ZNF326: variants seen among roughly 807,000 people sequenced by gnomAD.
ZNF326 encodes zinc finger protein 326.
ZNF326 carries 30 observed loss-of-function variants against 63.1 expected under a neutral mutation model. The observed-to-expected ratio is 0.48, with a 90% CI of 0.36 to 0.64. The LOEUF is 0.64. Ranked by LOEUF, ZNF326 falls within the 30% of genes least tolerant of loss-of-function variation. The pLI is 0.00. For synonymous variants in ZNF326, 194 were observed against 228.2 expected, an observed-to-expected ratio of 0.85 and a Z score of 1.35; for missense variants, 609 against 720.3, an observed-to-expected ratio of 0.85 and a Z score of 1.77.
In ZNF326 at chr1:89,996,223, G is replaced by T. The variant is rs533573231; in HGVS notation, c.16+950G>T. On this transcript the variant is annotated intron_variant, in intron 1 of 11. Coordinates refer to ENST00000340281, the MANE Select transcript of ZNF326 (RefSeq NM_182976.4). ...ACAACATTAGGGAGACATGGGAAAG[G>T]ACTTATGTGATTAAACTGGATTTAA... Among the ~76,000 whole-genome samples, 58 of 152,256 alleles carry T rather than the reference G, an allele frequency of 3.8e-4. No homozygotes were observed. The South Asian group carries it at 0.01, about 27-fold the overall frequency.
intron 7 of ZNF326, among the ~76,000 whole-genome samples, chr1:90,013,483 TAAAA>T (rs1457577862): frequency 6.6e-6 from 1 of 152,208 alleles, no homozygotes; most frequent in African/African-American, 2.4e-5. Flanking sequence ...ACAGTATTCT[TAAAA>T]AGAAACACTT....
In ZNF326 at chr1:90,035,097, A is replaced by G. The variant is rs1650429615; in HGVS notation, c.*7396A>G. ...GCTGAGAATAGAATAAAGCCTTTGT[A>G]ACTTGGCTAAGGACTAGGAAGGTCT... On this transcript the variant is annotated 3_prime_UTR_variant, in exon 12 of 12. Coordinates refer to ENST00000340281, the MANE Select transcript of ZNF326 (RefSeq NM_182976.4). The G allele has an allele frequency of 6.6e-6, 1 of 152,252 alleles. No homozygotes were observed. Among genetic ancestry groups the G allele is most frequent in the African/African-American group, 2.4e-5 (1 of 41,478 alleles). 9.4% of individuals were successfully genotyped at this position (152,252 alleles called of 1,614,324 possible). A position where few individuals can be genotyped will look rare whatever the true frequency, so the allele number is the denominator to read the frequency against.
intron 7 of ZNF326, among the ~76,000 whole-genome samples, chr1:90,013,639 TAATC>T (rs1443497830): frequency 3.9e-5 from 6 of 152,314 alleles, no homozygotes; most frequent in East Asian, 1.9e-4. Context: ...CTTTTATAGA[TAATC>T]AATCATTAAA....
chr1:90,025,649 A>C (rs1649982764), intron 11 of ZNF326, among the ~76,000 whole-genome samples: 1 of 152,212 alleles, frequency 6.6e-6, no homozygotes, highest in Admixed American at 6.5e-5. Flanking sequence ...ACATTCTTGG[A>C]CAACTGCTGC....
chr1:89,998,802 A>G (rs1648525204), intron 2 of ZNF326, among the ~76,000 whole-genome samples: 1 of 152,216 alleles, frequency 6.6e-6, no homozygotes, highest in African/African-American at 2.4e-5. Flanking sequence ...ATGCAGGTTA[A>G]AAAACATATG....
intron 6 of ZNF326, 104 bp downstream of exon 6, chr1:90,010,390 C>A: frequency 4.5e-6 from 5 of 1,105,502 alleles, no homozygotes; most frequent in South Asian, 1.6e-5. Context: ...AACTACATAA[C>A]AATTATGATT....
intron 7 of ZNF326, among the ~76,000 whole-genome samples, chr1:90,015,602 C>T (rs754039377): frequency 6.6e-6 from 1 of 152,166 alleles, no homozygotes; most frequent in Non-Finnish European, 1.5e-5. Flanking sequence ...ATAGCTTGAG[C>T]TTGGGAGGTG....
chr1:90,005,692 AT>A, intron 4 of ZNF326: 13 of 985,204 alleles, frequency 1.3e-5, no homozygotes, highest in Non-Finnish European at 1.6e-5. Flanking sequence ...CCAGTCTAAC[AT>A]TTACTTTCCA....
At position 90,027,475 on chromosome 1, in the gene ZNF326, AAGC is replaced by A; in HGVS notation, c.1526_1528del (p.Ala509del). The A allele has an allele frequency of 6.2e-7, 1 of 1,613,848 alleles. No homozygotes were observed. Among genetic ancestry groups the A allele is most frequent in the African/African-American group, 1.3e-5 (1 of 74,978 alleles). On this transcript the variant is annotated inframe_deletion, in exon 12 of 12. Transcript: ENST00000340281. ...GAGGAGGATGAAGATGAGGAAGAAG[AAGC>A]AGAGGAAGTGGGGGAAGTAGAGGAA...
chr1:90,023,278 G>A (rs935788624), intron 11 of ZNF326, among the ~76,000 whole-genome samples: 1 of 152,152 alleles, frequency 6.6e-6, no homozygotes, highest in African/African-American at 2.4e-5. Flanking sequence ...ATTCTACACT[G>A]AAGAGAGCTG....
At chr1:89,997,145 A>C (rs780025960) in intron 1 of ZNF326, among the ~76,000 whole-genome samples, 1 of 152,246 alleles carries the variant, frequency 6.6e-6, no homozygotes, top group African/African-American at 2.4e-5. Flanking sequence ...AACACCATAT[A>C]TGAATCTATT....
chr1:90,025,856 T>C (rs1649991644), intron 11 of ZNF326, among the ~76,000 whole-genome samples: 1 of 152,222 alleles, frequency 6.6e-6, no homozygotes, highest in South Asian at 2.1e-4. Context: ...GCTTTCTGCT[T>C]TTTTATATGT....
At position 90,010,144 on chromosome 1, in the gene ZNF326, C is replaced by G; in HGVS notation, c.672C>G (p.Asn224Lys). ...HRPGIVVDYQ[N>K]KSTNVTVAAA... ...CCGGAATTGTTGTTGACTATCAAAA[C>G]AAATCCACCAATGTGACAGTTGCTG... is the stretch of plus-strand genomic sequence containing the variant. The change falls in exon 6 of 12, where the codon AAC (asparagine) becomes AAG (lysine). Residue 224 changes from asparagine to lysine, a missense_variant. Physicochemically the swap from Asn to Lys is moderately conservative, Grantham distance 94 (BLOSUM62 0). Around this residue, in one of 3 missense-constraint regions of ZNF326, gnomAD observed 399 missense variants for 444.3 expected, o/e 0.90. Transcript: ENST00000340281. 1 of 1,613,746 alleles carries G rather than the reference C, an allele frequency of 6.2e-7. No homozygotes were observed. The highest frequency in any genetic ancestry group is 1.3e-5 in the African/African-American group (1 of 75,000).
intron 8 of ZNF326, 101 bp from the exon 9 acceptor site, chr1:90,018,584 T>G (rs1474843017): frequency 3.6e-6 from 2 of 559,398 alleles, no homozygotes; most frequent in African/African-American, 4.0e-5. Flanking sequence ...TTAATTCTTA[T>G]GTAGCAGATA....
At chr1:90,001,013 G>A (rs866776539) in intron 2 of ZNF326, among the ~76,000 whole-genome samples, 3 of 152,214 alleles carry the variant, frequency 2.0e-5, no homozygotes, top group South Asian at 4.1e-4. Context: ...AAGAGGTGAT[G>A]GGGCATATCA....
At position 90,029,040 on chromosome 1, in the gene ZNF326, G is replaced by C. The variant is rs1305275927; in HGVS notation, c.*1339G>C. The C allele has an allele frequency of 1.3e-5, 2 of 152,198 alleles. No individual in the cohort carries two copies. Among genetic ancestry groups the C allele is most frequent in the African/African-American group, 4.8e-5 (2 of 41,430 alleles). The allele number at this position is 152,198 out of a possible 1,614,324, so 9.4% of individuals were successfully genotyped here. On this transcript the variant is annotated 3_prime_UTR_variant, in exon 12 of 12. Coordinates refer to ENST00000340281, the MANE Select transcript of ZNF326 (RefSeq NM_182976.4). ...GCTGGTTTTGAACTCCTGGGCTCAA[G>C]TGACCTGTCTGTCTTGGCCTCCCAC...
rs143700412 is a variant in ZNF326, at chr1:90,013,162, G to T, written c.851G>T (p.Arg284Leu). Residue 284 changes from arginine to leucine, a missense_variant, in exon 7 of 12, where the codon CGG becomes CTG. Arg to Leu is a moderately radical substitution (Grantham distance 102, BLOSUM62 -2). Transcript: ENST00000340281. ...CCTAAAAATGAAGAGGAAGAAAAGC[G>T]GCGAATTGAGGCTCGGCGAGAGAAA... Reference protein sequence around the residue: ...TDPKNEEEEKRRIEARREKQR... With the variant: ...TDPKNEEEEKLRIEARREKQR... 6.2e-7 allele frequency: 1 copy of T among 1,612,690 alleles called. No individual in the cohort carries two copies.
intron 10 of ZNF326, among the ~76,000 whole-genome samples, chr1:90,021,637 G>A (rs761329581): frequency 2.0e-5 from 3 of 152,052 alleles, no homozygotes; most frequent in Non-Finnish European, 2.9e-5. Flanking sequence ...TGTTTGAAAA[G>A]CATATTTAAA....
chr1:90,030,121 C>T lies in ZNF326; in HGVS notation c.*2420C>T, dbSNP rs1405542263. ...TGCCTAGGGACTATCCTGTATTATT[C>T]GCTTTTTATCACTTTCTACCTACAG... On this transcript the variant is annotated 3_prime_UTR_variant, in exon 12 of 12. Transcript: ENST00000340281. The T allele has an allele frequency of 2.6e-5, 4 of 152,266 alleles. No individual in the cohort carries two copies. The highest frequency in any genetic ancestry group is 7.2e-5 in the African/African-American group (3 of 41,558). 9.4% of individuals were successfully genotyped at this position (152,266 alleles called of 1,614,324 possible). A position where few individuals can be genotyped will look rare whatever the true frequency, so the allele number is the denominator to read the frequency against.
Sources: allele counts gnomAD v4.1 joint callset (sites outside exome capture counted in the v4.1 genomes callset), GRCh38; gene constraint gnomAD v4.1.1; regional missense constraint gnomAD v4.1.1; transcripts MANE v1.5; gene names NCBI Gene and HGNC (gene_info 2026-07-23, HGNC 2026-07-21).